Variants in ST3GAL3 observed in about 807,000 individuals in gnomAD.
ST3GAL3 encodes ST3 beta-galactoside alpha-2,3-sialyltransferase 3, also known as CMP-N-acetylneuraminate-beta-1,4-galactoside alpha-2,3-sialyltransferase.
Under a neutral mutation model 50.1 loss-of-function variants are expected in ST3GAL3, and 21 were observed. That is an observed-to-expected ratio of 0.42 (90% CI 0.30 to 0.60). The LOEUF (loss-of-function observed/expected upper bound fraction) is 0.60. Ranked by LOEUF, ST3GAL3 falls within the 20% of genes least tolerant of loss-of-function variation. The probability of loss-of-function intolerance (pLI) is 0.19; values close to 1 mark genes in which losing one functional copy is unlikely to be tolerated. For missense variants in ST3GAL3, 353 were observed against 489.4 expected, an observed-to-expected ratio of 0.72 and a Z score of 2.63; for synonymous variants, 183 against 190.0, an observed-to-expected ratio of 0.96 and a Z score of 0.30.
At chr1:43,843,255 G>C (rs1049854129) in intron 5 of ST3GAL3, among the ~76,000 whole-genome samples, 1 of 152,166 alleles carries the variant, frequency 6.6e-6, no homozygotes, top group African/African-American at 2.4e-5. Context: ...GTTCTCTTCT[G>C]TTCCTAGTTT....
At chr1:43,840,494 C>G (rs994750342) in intron 5 of ST3GAL3, 1 of 152,192 alleles carries the variant, frequency 6.6e-6, no homozygotes, top group South Asian at 2.1e-4. Flanking sequence ...ACTCAAAAGT[C>G]CTACTGTGGT....
At chr1:43,900,898 C>T (rs1042769052) in intron 9 of ST3GAL3, 4 of 152,272 alleles carry the variant, frequency 2.6e-5, no homozygotes, top group Admixed American at 2.0e-4. Flanking sequence ...ACCTGGGCTC[C>T]ACAGTGTCCA....
At chr1:43,745,754 G>A (rs963896144) in intron 2 of ST3GAL3, among the ~76,000 whole-genome samples, 7 of 152,044 alleles carry the variant, frequency 4.6e-5, no homozygotes, top group African/African-American at 1.7e-4. Flanking sequence ...TCAGCCTCCC[G>A]AGTAGCTGGG....
At chr1:43,755,744 A>G (rs1296961832) in intron 2 of ST3GAL3, among the ~76,000 whole-genome samples, 2 of 152,202 alleles carry the variant, frequency 1.3e-5, no homozygotes, top group Non-Finnish European at 2.9e-5. Flanking sequence ...TAAATTAGAA[A>G]GATACAGACA....
At chr1:43,743,829 C>T in intron 2 of ST3GAL3, 1 of 155,310 alleles carries the variant, frequency 6.4e-6, no homozygotes, top group South Asian at 1.7e-4. Flanking sequence ...GTATAGTATT[C>T]TCTATTCTTT....
At chr1:43,893,737 T>G (rs919387947) in intron 5 of ST3GAL3, among the ~76,000 whole-genome samples, 18 of 152,176 alleles carry the variant, frequency 1.2e-4, no homozygotes, top group African/African-American at 3.9e-4. Context: ...CCACAAGAAC[T>G]TAGCCTCCTC....
At chr1:43,901,020 C>T (rs2078191666) in intron 9 of ST3GAL3, among the ~76,000 whole-genome samples, 1 of 152,260 alleles carries the variant, frequency 6.6e-6, no homozygotes, top group Non-Finnish European at 1.5e-5. Flanking sequence ...TAAATAACAG[C>T]GGTTCCAGGA....
At chr1:43,919,065 G>GTTTTTT (rs1427373785) in intron 9 of ST3GAL3, 2 of 48,986 alleles carry the variant, frequency 4.1e-5, no homozygotes, top group African/African-American at 5.9e-5. Flanking sequence ...TCCTTTCTTT[G>GTTTTTT]TTTCTTTTTT....
At chr1:43,747,536 ACT>A (rs1397458178) in intron 2 of ST3GAL3, among the ~76,000 whole-genome samples, 1 of 149,252 alleles carries the variant, frequency 6.7e-6, no homozygotes, top group Non-Finnish European at 1.5e-5. Flanking sequence ...CGGTCTGGGA[ACT>A]CTGCAGACCC....
intron 3 of ST3GAL3, among the ~76,000 whole-genome samples, chr1:43,798,486 C>T (rs1305819481): frequency 1.3e-5 from 2 of 152,160 alleles, no homozygotes; most frequent in Non-Finnish European, 2.9e-5. Flanking sequence ...ATTGGCATGC[C>T]TGTGGCTCCT....
At chr1:43,898,486 G>A (rs1472807130) in intron 7 of ST3GAL3, 188 bp downstream of exon 7, 1 of 671,336 alleles carries the variant, frequency 1.5e-6, no homozygotes, top group African/African-American at 1.8e-5. Flanking sequence ...ACCCCCACGG[G>A]CTGTCAGCAC....
intron 7 of ST3GAL3, 118 bp downstream of exon 7, chr1:43,898,416 C>A: frequency 1.0e-6 from 1 of 1,003,460 alleles, no homozygotes; most frequent in Non-Finnish European, 1.6e-6. Flanking sequence ...CACACATGCA[C>A]ATACAGTACA....
chr1:43,838,347 C>G, intron 5 of ST3GAL3, 36 bp downstream of exon 5: 1 of 1,584,134 alleles, frequency 6.3e-7, no homozygotes, highest in African/African-American at 1.3e-5. Flanking sequence ...GCCTAGACAG[C>G]CTGGTCTGGG....
At chr1:43,879,497 A>G (rs2074727803) in intron 5 of ST3GAL3, 1 of 445,644 alleles carries the variant, frequency 2.2e-6, no homozygotes, top group Admixed American at 2.4e-5. Flanking sequence ...GGGCCGTAGC[A>G]GTGGAGAGAG....
intron 1 of ST3GAL3, among the ~76,000 whole-genome samples, chr1:43,734,486 T>G (rs941910251): frequency 2.0e-5 from 3 of 151,818 alleles, no homozygotes; most frequent in African/African-American, 7.3e-5. Context: ...TTAATTTTTC[T>G]TTTTGTAGAG....
At chr1:43,846,848 A>T (rs2066338272) in intron 5 of ST3GAL3, among the ~76,000 whole-genome samples, 1 of 152,232 alleles carries the variant, frequency 6.6e-6, no homozygotes, top group Non-Finnish European at 1.5e-5. Flanking sequence ...TTTAAAAATG[A>T]GAGTGGAAGG....
chr1:43,903,711 C>T (rs2078678399), intron 9 of ST3GAL3, among the ~76,000 whole-genome samples: 1 of 152,192 alleles, frequency 6.6e-6, no homozygotes. Context: ...GCCCCACATT[C>T]AAGCAAAGGG....
rs756008646 is a variant in ST3GAL3, at chr1:43,898,219, T to C, written c.398-16T>C. 2 of 1,613,646 alleles carry C rather than the reference T, an allele frequency of 1.2e-6. No homozygotes were observed. Among genetic ancestry groups the C allele is most frequent in the Non-Finnish European group, 1.7e-6 (2 of 1,179,876 alleles). ...TAAGTGACCCTGTAACAGAAACCTC[T>C]CTCCTCTGTCTGCAGACAATCTGAT... On this transcript the variant is annotated splice_polypyrimidine_tract_variant and intron_variant, in intron 6 of 11. Coordinates refer to ENST00000347631, the MANE Select transcript of ST3GAL3 (RefSeq NM_006279.5).
chr1:43,825,395 T>C (rs374143806), intron 4 of ST3GAL3, among the ~76,000 whole-genome samples: 1 of 152,244 alleles, frequency 6.6e-6, no homozygotes, highest in Non-Finnish European at 1.5e-5. Context: ...TTTATATTAG[T>C]TTTTGGTTAC....
Sources: allele counts gnomAD v4.1 joint callset (sites outside exome capture counted in the v4.1 genomes callset), GRCh38; gene constraint gnomAD v4.1.1; transcripts MANE v1.5; gene names NCBI Gene and HGNC (gene_info 2026-07-23, HGNC 2026-07-21).